ROBO2: variants seen among roughly 807,000 people sequenced by gnomAD.
ROBO2 encodes roundabout homolog 2.
ROBO2 carries 53 observed loss-of-function variants against 160.8 expected under a neutral mutation model. The ratio of observed to expected loss-of-function variants is 0.33; its 90% CI spans 0.26 to 0.41. The LOEUF (loss-of-function observed/expected upper bound fraction) is 0.41, where lower values mean the gene tolerates loss of function less well. ROBO2 is among the 10% of genes least tolerant of loss of function. The pLI, the probability that ROBO2 is intolerant of heterozygous loss-of-function variation, is 1.00. For synonymous variants in ROBO2, 664 were observed against 611.7 expected, an observed-to-expected ratio of 1.09 and a Z score of -1.26; for missense variants, 1,577 against 1,722.4, an observed-to-expected ratio of 0.92 and a Z score of 1.49.
At chr3:76,617,100 G>C (rs2088645984) in intron 2 of ROBO2, among the ~76,000 whole-genome samples, 1 of 151,968 alleles carries the variant, frequency 6.6e-6, no homozygotes, top group African/African-American at 2.4e-5. Context: ...TTCACTATAA[G>C]TCACATTGTT....
chr3:76,986,166 G>T (rs1446344816), intron 2 of ROBO2, among the ~76,000 whole-genome samples: 5 of 151,978 alleles, frequency 3.3e-5, no homozygotes, highest in African/African-American at 1.2e-4. Context: ...TAATCAAATG[G>T]TTCCAAGTAC....
At chr3:77,048,003 C>T (rs1040243155) in intron 1 of ROBO2, among the ~76,000 whole-genome samples, 1 of 151,862 alleles carries the variant, frequency 6.6e-6, no homozygotes, top group Non-Finnish European at 1.5e-5. Flanking sequence ...GCCGAGATCG[C>T]GCCACTGCAC....
At chr3:75,988,307 C>A (rs762536274) in intron 2 of ROBO2, among the ~76,000 whole-genome samples, 15 of 152,114 alleles carry the variant, frequency 9.9e-5, no homozygotes, top group African/African-American at 3.1e-4. Context: ...GTTCATTCAA[C>A]TTTTGACATA....
At chr3:77,489,981 G>A (rs2085866036) in intron 4 of ROBO2, among the ~76,000 whole-genome samples, 1 of 152,052 alleles carries the variant, frequency 6.6e-6, no homozygotes, top group Admixed American at 6.6e-5. Context: ...CAGAGTGTCT[G>A]CAAGTAATGG....
At position 76,079,478 on chromosome 3, in the gene ROBO2, A is replaced by T. The variant is rs75331957; in HGVS notation, c.109+141876A>T. Among the ~76,000 whole-genome samples the T allele has an allele frequency of 2.2e-5, 3 of 134,288 alleles. 1 individual carries two copies. The highest frequency in any genetic ancestry group is 2.9e-5 in the African/African-American group (1 of 34,224). The allele number at this position is 134,288 out of a possible 152,430, so 88.1% of individuals were successfully genotyped here. The stretch of plus-strand genomic sequence containing the variant: ...ATTTATTTATTTATTTATTATTATT[A>T]TTAGTTTTTTTTTTTTTTTGGTGGA... On this transcript the variant is annotated intron_variant, in intron 2 of 26. Coordinates refer to the ROBO2 transcript ENST00000487694.
intron 2 of ROBO2, among the ~76,000 whole-genome samples, chr3:76,554,619 C>G (rs1333473739): frequency 6.6e-6 from 1 of 152,022 alleles, no homozygotes; most frequent in Non-Finnish European, 1.5e-5. Context: ...TCTTCCTTTA[C>G]TTTACTGTGT....
chr3:77,042,456 A>G (rs1372380434), intron 1 of ROBO2, among the ~76,000 whole-genome samples: 3 of 152,248 alleles, frequency 2.0e-5, no homozygotes, highest in Admixed American at 1.3e-4. Context: ...ACTATACATT[A>G]GACTACAAAA....
chr3:77,518,162 T>C (rs899915668), intron 5 of ROBO2, among the ~76,000 whole-genome samples: 2 of 151,466 alleles, frequency 1.3e-5, no homozygotes, highest in African/African-American at 4.8e-5. Context: ...TAGAAGATCT[T>C]CTAATAGAGA....
At chr3:76,343,313 G>A (rs895640413) in intron 2 of ROBO2, among the ~76,000 whole-genome samples, 2 of 151,910 alleles carry the variant, frequency 1.3e-5, no homozygotes, top group African/African-American at 4.8e-5. Flanking sequence ...TGCCCTAAGT[G>A]ATAAAAATTC....
chr3:76,709,800 A>G (rs553266343), intron 2 of ROBO2, among the ~76,000 whole-genome samples: 7 of 152,342 alleles, frequency 4.6e-5, no homozygotes, highest in African/African-American at 1.4e-4. Flanking sequence ...CAAAAATAAA[A>G]TCATTAAATA....
chr3:77,625,574 C>T lies in ROBO2; in HGVS notation c.3760+3142C>T, dbSNP rs1219718407. Among the ~76,000 whole-genome samples, 6 of 152,198 alleles carry T rather than the reference C, an allele frequency of 3.9e-5. No homozygotes were observed. The East Asian group carries it at 7.8e-4, about 20-fold the overall frequency. On this transcript the variant is annotated intron_variant, in intron 23 of 25. Transcript: ENST00000461745. ...TGTATTTTTAGTAGAGACGGGGTTT[C>T]ACCATGTTGACCAAGAGGGTCTTGA...
chr3:77,004,305 G>A (rs1255397282), intron 2 of ROBO2, among the ~76,000 whole-genome samples: 1 of 152,106 alleles, frequency 6.6e-6, no homozygotes, highest in Non-Finnish European at 1.5e-5. Flanking sequence ...TTGTAATCCT[G>A]CCAACAGTAT....
At chr3:76,493,337 T>TTTATATATATATATATA (rs1460408407) in intron 2 of ROBO2, among the ~76,000 whole-genome samples, 5 of 104,830 alleles carry the variant, frequency 4.8e-5, no homozygotes, top group African/African-American at 1.8e-4. Flanking sequence ...AGACAAAAAA[T>TTTATATATATATATATA]TATATATATA....
chr3:77,546,312 A>G, intron 6 of ROBO2, 26 bp from the exon 8 acceptor site: 1 of 1,611,928 alleles, frequency 6.2e-7, no homozygotes, highest in Non-Finnish European at 8.5e-7. Flanking sequence ...TGATATTTAC[A>G]CGCTTTCTTT....
At chr3:76,675,484 TATATAGCCA>T (rs2092384240) in intron 2 of ROBO2, among the ~76,000 whole-genome samples, 1 of 152,162 alleles carries the variant, frequency 6.6e-6, no homozygotes, top group South Asian at 2.1e-4. Context: ...ATATATAACC[TATATAGCCA>T]TCATGGAAGG....
At chr3:76,160,942 GACATGTT>G (rs2072608121) in intron 2 of ROBO2, among the ~76,000 whole-genome samples, 1 of 152,070 alleles carries the variant, frequency 6.6e-6, no homozygotes, top group South Asian at 2.1e-4. Context: ...TAAAGATTCT[GACATGTT>G]ACATGATTTT....
At chr3:76,023,979 A>G (rs777317446) in intron 2 of ROBO2, among the ~76,000 whole-genome samples, 1 of 151,482 alleles carries the variant, frequency 6.6e-6, no homozygotes, top group Non-Finnish European at 1.5e-5. Flanking sequence ...CATTAAATAC[A>G]TTGCTTCCAA....
At chr3:75,948,151 A>T (rs1948390481) in intron 2 of ROBO2, among the ~76,000 whole-genome samples, 1 of 152,096 alleles carries the variant, frequency 6.6e-6, no homozygotes, top group African/African-American at 2.4e-5. Context: ...CATTAATGGG[A>T]ATAAGGATCT....
At chr3:76,381,826 G>C (rs765861891) in intron 2 of ROBO2, among the ~76,000 whole-genome samples, 10 of 152,252 alleles carry the variant, frequency 6.6e-5, no homozygotes, top group Admixed American at 1.3e-4. Flanking sequence ...TGCGCCTTAT[G>C]TGTCACTGCT....
Sources: gnomAD v4.1 joint callset for allele counts (sites outside exome capture counted in the v4.1 genomes callset) on GRCh38, gnomAD v4.1.1 for gene constraint, MANE v1.5 for transcripts, NCBI Gene and HGNC (gene_info 2026-07-23, HGNC 2026-07-21) for gene names.